The following KIRREL2 variants were observed in gnomAD, a reference collection of about 807,000 sequenced individuals.
KIRREL2 encodes kirre like nephrin family adhesion molecule 2.
Under a neutral mutation model 73.4 loss-of-function variants are expected in KIRREL2, and 56 were observed. The ratio of observed to expected loss-of-function variants is 0.76; its 90% CI spans 0.62 to 0.95. The LOEUF is 0.95. Among genes scored for constraint, KIRREL2 ranks in the 40% least tolerant of loss-of-function variants. The pLI is 0.00. For missense variants in KIRREL2, 896 were observed against 935.0 expected (o/e 0.96, Z 0.54); for synonymous variants, 407 against 404.0 (o/e 1.01, Z -0.09).
chr19:35,860,485 C>T (rs1306741655), intron 6 of KIRREL2, 34 bp from the exon 7 acceptor site: 13 of 1,603,012 alleles, frequency 8.1e-6, no homozygotes, highest in Middle Eastern at 1.7e-4. Flanking sequence ...CCAGAGAGGC[C>T]AGGACAACGT....
upstream of KIRREL2, chr19:35,851,972 T>G: frequency 1.3e-6 from 1 of 745,142 alleles, no homozygotes; most frequent in Non-Finnish European, 2.3e-6. Flanking sequence ...CTCTCCTCCC[T>G]TTCTCGTTTT....
At position 35,860,996 on chromosome 19, in the gene KIRREL2, C is replaced by T; in HGVS notation, c.1016C>T (p.Pro339Leu). Residue 339 changes from proline (P) to leucine (L), a missense_variant, in exon 8 of 15, where the codon CCG becomes CTG. Coordinates refer to ENST00000360202, the MANE Select transcript of KIRREL2 (RefSeq NM_199180.4). ...TTCAGCTGCGCCTGGCGCGGGAACC[C>T]GCTTCCACGGGTAACCTGGACCCGC... ...ASFSCAWRGN[P>L]LPRVTWTRRG... is the part of the protein sequence containing the mutation. 1 of 1,612,884 alleles carries T rather than the reference C, an allele frequency of 6.2e-7. No homozygotes were observed.
upstream of KIRREL2, chr19:35,856,090 G>T (rs958468929): frequency 6.6e-6 from 1 of 152,372 alleles, no homozygotes; most frequent in Non-Finnish European, 1.5e-5. The surrounding 1 kb of genome is among the most constrained non-coding windows in gnomAD (Gnocchi z 5.9). Flanking sequence ...GTCAGATCAG[G>T]GTCCCAGCCC....
At chr19:35,853,393 C>A (rs1468717169), upstream of KIRREL2, among the ~76,000 whole-genome samples, 3 of 152,232 alleles carry the variant, frequency 2.0e-5, no homozygotes, top group Non-Finnish European at 2.9e-5. Context: ...AAAGTGGGCG[C>A]CCTTTGGCAA....
Position 35,862,563 on chromosome 19 carries a change from T to A in KIRREL2, c.1581T>A (p.Thr527=). 6.2e-7 allele frequency: 1 copy of A among 1,609,990 alleles called. No individual in the cohort carries two copies. Among genetic ancestry groups the A allele is most frequent in the Non-Finnish European group, 8.5e-7 (1 of 1,179,916 alleles). The change falls in exon 12 of 15, where the codon ACT becomes ACA. Residue 527 remains threonine (T), a synonymous_variant. Coordinates refer to ENST00000360202, the MANE Select transcript of KIRREL2 (RefSeq NM_199180.4). ...CCACAACTCTCCTTATGGTCATCAC[T>A]GGGGTGGCCCTCTGCTGCTGGCGCC... is the stretch of plus-strand genomic sequence containing the variant. ...AATTTLLMVI[T]GVALCCWRHS... is the part of the protein sequence containing the mutation.
chr19:35,856,948 C>A lies in KIRREL2; in HGVS notation c.-172C>A. On this transcript the variant is annotated 5_prime_UTR_variant, in exon 1 of 15. Transcript: ENST00000360202. The surrounding 1 kb of genome is among the most constrained non-coding windows in gnomAD (Gnocchi z 5.9). The stretch of plus-strand genomic sequence containing the variant: ...CGCGGAACTGGCAGGCGTTTCAGAG[C>A]GTCAGAGGCTGCGGATGAGCAGACT... The A allele has an allele frequency of 2.7e-6, 2 of 729,194 alleles. No individual in the cohort carries two copies. The highest frequency in any genetic ancestry group is 4.9e-6 in the Non-Finnish European group (2 of 405,702). 45.2% of individuals were successfully genotyped at this position (729,194 alleles called of 1,614,324 possible).
rs373458101 is a variant in KIRREL2, at chr19:35,863,245, CA to C, written c.1725+214del. Among the ~76,000 whole-genome samples the C allele has an allele frequency of 3.9e-3, 589 of 152,124 alleles. 5 individuals carry two copies. The highest frequency in any genetic ancestry group is 0.014 in the African/African-American group (570 of 41,500). On this transcript the variant is annotated intron_variant, in intron 13 of 14. Transcript: ENST00000360202. Reference sequence around the variant, plus strand: ...ACAGCATAGCAGGACCCCATCTCTACAAAAATACAAACTAAAATAAAATAAA... The same window carrying C: ...ACAGCATAGCAGGACCCCATCTCTACAAAATACAAACTAAAATAAAATAAA...
chr19:35,864,607 G>GA (rs749464588), intron 13 of KIRREL2, 41 bp from the exon 14 acceptor site: 46 of 1,539,256 alleles, frequency 3.0e-5, no homozygotes, highest in Admixed American at 1.5e-4. Flanking sequence ...GGGGCGGGGG[G>GA]ATCCTCTGAC....
upstream of KIRREL2, among the ~76,000 whole-genome samples, chr19:35,852,776 CTCTTTCTT>C (rs754644769): frequency 6.6e-6 from 1 of 151,950 alleles, no homozygotes; most frequent in Non-Finnish European, 1.5e-5. Context: ...CTTGGCAAGT[CTCTTTCTT>C]TCTTTCTTTC....
In KIRREL2 at chr19:35,861,019, C is replaced by A; in HGVS notation, c.1039C>A (p.Arg347Ser). 6.2e-7 allele frequency: 1 copy of A among 1,611,810 alleles called. No homozygotes were observed. Among genetic ancestry groups the A allele is most frequent in the Non-Finnish European group, 8.5e-7 (1 of 1,179,316 alleles). The change falls in exon 8 of 15, where the codon CGC becomes AGC. Residue 347 changes from arginine to serine, a missense_variant. Transcript: ENST00000360202. ...CCCGCTTCCACGGGTAACCTGGACC[C>A]GCCGCGGTGGCGCGCAGGTACAGCC... ...GNPLPRVTWT[R>S]RGGAQVLGSG...
chr19:35,857,556 G>A, intron 2 of KIRREL2, 62 bp downstream of exon 2: 12 of 1,434,452 alleles, frequency 8.4e-6, no homozygotes, highest in Non-Finnish European at 1.1e-5. Context: ...GGGCTCGGCT[G>A]TACCTGCAGT....
upstream of KIRREL2, among the ~76,000 whole-genome samples, chr19:35,855,600 C>T (rs546167498): frequency 6.7e-6 from 1 of 149,770 alleles, no homozygotes; most frequent in Admixed American, 6.7e-5. Flanking sequence ...TCCAAGGACT[C>T]GGGAATTTGG....
chr19:35,862,590 C>CAAGG lies in KIRREL2; in HGVS notation c.1609_1610insAGGA (p.Ser537LysfsTer30). On this transcript the variant is annotated frameshift_variant, in exon 12 of 15. Transcript: ENST00000360202. LOFTEE classifies it high-confidence loss of function. Reference sequence around the variant, plus strand: ...GGGTGGCCCTCTGCTGCTGGCGCCACAGCAAGGGTTAGTGCCTGAGCCCCG... The same window carrying CAAGG: ...GGGTGGCCCTCTGCTGCTGGCGCCACAAGGAGCAAGGGTTAGTGCCTGAGCCCCG... 1 of 1,605,920 alleles carries CAAGG rather than the reference C, an allele frequency of 6.2e-7. No individual in the cohort carries two copies. Among genetic ancestry groups the CAAGG allele is most frequent in the Non-Finnish European group, 8.5e-7 (1 of 1,178,608 alleles).
chr19:35,856,977 A>G lies in KIRREL2; in HGVS notation c.-143A>G, dbSNP rs535551859. The G allele has an allele frequency of 1.3e-5, 11 of 838,596 alleles. No homozygotes were observed. In the African/African-American group the frequency reaches 1.8e-4, roughly 14 times the overall value. The allele number at this position is 838,596 out of a possible 1,614,324, so 51.9% of individuals were successfully genotyped here. A position where few individuals can be genotyped will look rare whatever the true frequency, so the allele number is the denominator to read the frequency against. On this transcript the variant is annotated 5_prime_UTR_variant, in exon 1 of 15. Coordinates refer to ENST00000360202, the MANE Select transcript of KIRREL2 (RefSeq NM_199180.4). This position sits in a 1 kb window ranked among gnomAD's most constrained non-coding sequence, Gnocchi z 5.9. The stretch of plus-strand genomic sequence containing the variant: ...AGAGGCTGCGGATGAGCAGACTTGG[A>G]GGACTCCAGGCCAGAGACTAGGCTG...
chr19:35,855,526 G>A (rs746738854), upstream of KIRREL2, among the ~76,000 whole-genome samples: 1 of 151,180 alleles, frequency 6.6e-6, no homozygotes, highest in Non-Finnish European at 1.5e-5. Context: ...AAGCCACACA[G>A]AAGCCGGGAG....
rs1973717025 is a variant in KIRREL2 at position 35,862,031 on chromosome 19, C to A, written c.1510+7C>A. The A allele has an allele frequency of 1.2e-6, 2 of 1,600,288 alleles. No individual in the cohort carries two copies. The highest frequency in any genetic ancestry group is 1.7e-6 in the Non-Finnish European group (2 of 1,173,774). ...GCCAGCCTGGGCCGTAGAGGTGAGA[C>A]CCCAGCCCGAAGACCCCAAATCTGG... On this transcript the variant is annotated splice_region_variant and intron_variant, in intron 11 of 14. Coordinates refer to ENST00000360202, the MANE Select transcript of KIRREL2 (RefSeq NM_199180.4).
chr19:35,860,350 A>C lies in KIRREL2; in HGVS notation c.727A>C (p.Lys243Gln). 1 of 1,613,876 alleles carries C rather than the reference A, an allele frequency of 6.2e-7. No individual in the cohort carries two copies. Among genetic ancestry groups the C allele is most frequent in the Non-Finnish European group, 8.5e-7 (1 of 1,179,976 alleles). The change falls in exon 6 of 15, where the codon AAG becomes CAG. Residue 243 changes from lysine to glutamine, a missense_variant. Coordinates refer to ENST00000360202, the MANE Select transcript of KIRREL2 (RefSeq NM_199180.4). The stretch of plus-strand genomic sequence containing the variant: ...GCCACACACTGTGCAGGAGGGAGAG[A>C]AGGTCATTTTCCTGTGCCAGGCCAC... The part of the protein sequence containing the change: ...ASPHTVQEGE[K>Q]VIFLCQATAQ...
At position 35,857,397 on chromosome 19, in the gene KIRREL2, G is replaced by A; in HGVS notation, c.114G>A (p.Gly38=). 3 of 1,613,064 alleles carry A rather than the reference G, an allele frequency of 1.9e-6. No individual in the cohort carries two copies. In the South Asian group the frequency reaches 3.3e-5, roughly 18 times the overall value. ...QQPEDLVVLL[G]EEARLPCALG... is the part of the protein sequence containing the mutation. Reference sequence around the variant, plus strand: ...CAGAGGACCTGGTGGTGCTGCTGGGGGAGGAAGCCCGGCTGCCGTGTGCTC... The same window carrying A: ...CAGAGGACCTGGTGGTGCTGCTGGGAGAGGAAGCCCGGCTGCCGTGTGCTC... Residue 38 remains glycine (G), a synonymous_variant, in exon 2 of 15, where the codon GGG becomes GGA. Transcript: ENST00000360202.
Position 35,860,650 on chromosome 19 carries a change from C to T in KIRREL2, c.911C>T (p.Thr304Ile), listed in dbSNP as rs1169612082. 2 of 1,603,208 alleles carry T rather than the reference C, an allele frequency of 1.2e-6. No homozygotes were observed. Among genetic ancestry groups the T allele is most frequent in the East Asian group, 2.2e-5 (1 of 44,856 alleles). ...SNAVGSANRS[T>I]ALDVLFGPIL... ...GCCGTGGGTAGCGCCAACCGCAGTA[C>T]TGCGCTGGATGTGCTGTGTGAGCTG... The change falls in exon 7 of 15, where the codon ACT becomes ATT. Residue 304 changes from threonine (T) to isoleucine (I), a missense_variant. By Grantham distance (89) the Thr-to-Ile change is moderately conservative. Transcript: ENST00000360202.
Sources: gnomAD v4.1 joint callset for allele counts (sites outside exome capture counted in the v4.1 genomes callset) on GRCh38, gnomAD v4.1.1 for gene constraint, Gnocchi (gnomAD v3.1) non-coding constraint, MANE v1.5 for transcripts, NCBI Gene and HGNC (gene_info 2026-07-23, HGNC 2026-07-21) for gene names.